The following KMT2A variants were observed in gnomAD, a reference collection of about 807,000 sequenced individuals.
KMT2A encodes lysine methyltransferase 2A.
In KMT2A, 16 loss-of-function variants were observed where a neutral mutation model predicts 345.3. That is an observed-to-expected ratio of 0.05 (90% confidence interval 0.03 to 0.07). KMT2A has a LOEUF of 0.07. Among genes scored for constraint, KMT2A ranks in the 10% least tolerant of loss-of-function variants. The pLI, the probability that KMT2A is intolerant of heterozygous loss-of-function variation, is 1.00. For missense variants in KMT2A, 3,272 were observed against 4,841.6 expected, an observed-to-expected ratio of 0.68 and a Z score of 9.62; for synonymous variants, 1,599 against 1,778.6, an observed-to-expected ratio of 0.90 and a Z score of 2.54.
At chr11:118,443,500 T>G (rs1949356239) in intron 1 of KMT2A, among the ~76,000 whole-genome samples, 1 of 152,196 alleles carries the variant, frequency 6.6e-6, no homozygotes, top group Non-Finnish European at 1.5e-5. Context: ...GAAAGAAGAA[T>G]TTTGTTACGT....
chr11:118,467,104 CAGT>C (rs1309450685), intron 1 of KMT2A, among the ~76,000 whole-genome samples: 1 of 151,882 alleles, frequency 6.6e-6, no homozygotes, highest in Non-Finnish European at 1.5e-5. Flanking sequence ...TGGCTGGGCA[CAGT>C]GGTGCATGCC....
At position 118,476,870 on chromosome 11, in the gene KMT2A, A is replaced by G. The variant is rs1555037643; in HGVS notation, c.3222A>G (p.Arg1074=). ...RGPRIKHVCR[R]AAVALGRKRA... is the part of the protein sequence containing the mutation. ...CCCGGATTAAACATGTCTGCAGAAG[A>G]GCAGCTGTTGCCCTTGGCCGAAAAC... The change falls in exon 4 of 36, where the codon AGA becomes AGG. Residue 1074 remains arginine, a synonymous_variant. Coordinates refer to ENST00000534358, the MANE Select transcript of KMT2A (RefSeq NM_001197104.2). This position sits in a 1 kb window ranked among gnomAD's most constrained non-coding sequence, Gnocchi z 4.1. 1 of 1,614,212 alleles carries G rather than the reference A, an allele frequency of 6.2e-7. No homozygotes were observed.
At chr11:118,467,055 T>G (rs1555034252) in intron 1 of KMT2A, among the ~76,000 whole-genome samples, 1 of 151,910 alleles carries the variant, frequency 6.6e-6, no homozygotes, top group African/African-American at 2.4e-5. Flanking sequence ...TTCCTTAAAT[T>G]TAGGTTTCAT....
In KMT2A at chr11:118,519,752, T is replaced by C. The variant is rs148548051; in HGVS notation, c.11281T>C (p.Leu3761=). Residue 3761 remains leucine (L), a synonymous_variant, in exon 32 of 36, where the codon TTG becomes CTG. Coordinates refer to ENST00000534358, the MANE Select transcript of KMT2A (RefSeq NM_001197104.2). ...HKPEEANEPP[L]NPHGSARAEV... is the part of the protein sequence containing the mutation. ...GCCAGAGGAGGCCAATGAACCCCCC[T>C]TGAACCCTCACGGCTCAGCCAGGGC... is the stretch of plus-strand genomic sequence containing the variant. 1.2e-5 allele frequency: 19 copies of C among 1,613,986 alleles called. No homozygotes were observed. The highest frequency in any genetic ancestry group is 4.0e-5 in the African/African-American group (3 of 74,914).
At chr11:118,455,493 T>A (rs1949623967) in intron 1 of KMT2A, among the ~76,000 whole-genome samples, 1 of 152,038 alleles carries the variant, frequency 6.6e-6, no homozygotes, top group South Asian at 2.1e-4. Context: ...GGTAGCAGTC[T>A]GTATTCATTG....
rs9332752 is a variant in KMT2A at position 118,446,991 on chromosome 11, T to G, written c.432+10047T>G. 5.7e-3 allele frequency among the ~76,000 whole-genome samples: 872 copies of G among 152,336 alleles called. 8 individuals carry two copies. The highest frequency in any genetic ancestry group is 0.02 in the African/African-American group (834 of 41,586). ...TCTTTGTTTATCTGCCTTTGTACCTTTGCTAAAGCCTCTCCTTTGCCTTAA... is the reference window on the plus strand; with the variant it reads ...TCTTTGTTTATCTGCCTTTGTACCTGTGCTAAAGCCTCTCCTTTGCCTTAA... On this transcript the variant is annotated intron_variant, in intron 1 of 35. Coordinates refer to ENST00000534358, the MANE Select transcript of KMT2A (RefSeq NM_001197104.2).
rs974175480 is a variant in KMT2A, at chr11:118,491,967, A to G, written c.5004+39A>G. On this transcript the variant is annotated intron_variant, in intron 15 of 35. Coordinates refer to ENST00000534358, the MANE Select transcript of KMT2A (RefSeq NM_001197104.2). The surrounding 1 kb of genome is among the most constrained non-coding windows in gnomAD (Gnocchi z 4.2). ...CATTTTTTTCTGAGAGCTTGTTCTT[A>G]GGTAGTCTTTACCTAGTGTTTTTCT... The G allele has an allele frequency of 9.5e-6, 14 of 1,470,470 alleles. No individual in the cohort carries two copies. The highest frequency in any genetic ancestry group is 1.2e-5 in the Non-Finnish European group (13 of 1,062,722). 91.1% of individuals were successfully genotyped at this position (1,470,470 alleles called of 1,614,324 possible).
chr11:118,512,012 G>A lies in KMT2A; in HGVS notation c.11133G>A (p.Gln3711=). The stretch of plus-strand genomic sequence containing the variant: ...CTCGATCAAATGCCCGCCTAAAGCA[G>A]CTCTCATTTGCAGGTAATGGCTGGA... ...QEARSNARLK[Q]LSFAGVNGLR... The change falls in exon 31 of 36, where the codon CAG becomes CAA. Residue 3711 remains glutamine (Q), a synonymous_variant. Coordinates refer to ENST00000534358, the MANE Select transcript of KMT2A (RefSeq NM_001197104.2). 6.2e-7 allele frequency: 1 copy of A among 1,613,984 alleles called. No homozygotes were observed. Among genetic ancestry groups the A allele is most frequent in the Non-Finnish European group, 8.5e-7 (1 of 1,179,884 alleles).
At chr11:118,442,916 A>G (rs2134173703) in intron 1 of KMT2A, among the ~76,000 whole-genome samples, 1 of 152,314 alleles carries the variant, frequency 6.6e-6, no homozygotes, top group South Asian at 2.1e-4. Flanking sequence ...AGGAATCTTA[A>G]GTCCTTTACC....
At chr11:118,438,997 T>G (rs781990814) in intron 1 of KMT2A, 1 of 479,462 alleles carries the variant, frequency 2.1e-6, no homozygotes, top group Admixed American at 2.2e-5. Flanking sequence ...TATTTTTTTT[T>G]GAAAGGCCAA....
chr11:118,524,601 C>T lies in KMT2A; in HGVS notation c.*2429C>T, dbSNP rs1951041797. The T allele has an allele frequency of 5.5e-6, 1 of 181,348 alleles. No homozygotes were observed. Among genetic ancestry groups the T allele is most frequent in the African/African-American group, 2.4e-5 (1 of 42,386 alleles). 11.2% of individuals were successfully genotyped at this position (181,348 alleles called of 1,614,324 possible). A position where few individuals can be genotyped will look rare whatever the true frequency, so the allele number is the denominator to read the frequency against. ...ACCTCACCTCCCTTCCTCCTTTTGCCCATGAACAAGATGCAGTGGCCCTAG... is the reference window on the plus strand; with the variant it reads ...ACCTCACCTCCCTTCCTCCTTTTGCTCATGAACAAGATGCAGTGGCCCTAG... On this transcript the variant is annotated 3_prime_UTR_variant, in exon 36 of 36. Transcript: ENST00000534358.
rs2134268714 is a variant in KMT2A, at chr11:118,473,600, A to G, written c.2441A>G (p.Gln814Arg). ...TQSGESAEKN[Q>R]RPRKQTSAPA... ...TCTGGGGAATCTGCAGAGAAAAATCAGAGACCAAGGAAGCAGACTAGTGCT... is the reference window on the plus strand; with the variant it reads ...TCTGGGGAATCTGCAGAGAAAAATCGGAGACCAAGGAAGCAGACTAGTGCT... Residue 814 changes from glutamine to arginine, a missense_variant, in exon 3 of 36, where the codon CAG becomes CGG. By Grantham distance (43) the Gln-to-Arg change is conservative (BLOSUM62 1). Coordinates refer to ENST00000534358, the MANE Select transcript of KMT2A (RefSeq NM_001197104.2). The surrounding 1 kb of genome is among the most constrained non-coding windows in gnomAD (Gnocchi z 5.2). The G allele has an allele frequency of 6.2e-7, 1 of 1,614,128 alleles. No individual in the cohort carries two copies. Among genetic ancestry groups the G allele is most frequent in the Non-Finnish European group, 8.5e-7 (1 of 1,180,042 alleles).
intron 11 of KMT2A, among the ~76,000 whole-genome samples, chr11:118,489,092 G>C (rs1314392165): frequency 6.6e-6 from 1 of 151,808 alleles, no homozygotes; most frequent in African/African-American, 2.4e-5. Flanking sequence ...GTGTGGTGGT[G>C]GGCACCTGTA....
chr11:118,464,758 G>A (rs1949810695), intron 1 of KMT2A, among the ~76,000 whole-genome samples: 1 of 152,196 alleles, frequency 6.6e-6, no homozygotes, highest in South Asian at 2.1e-4. Flanking sequence ...CAAAGTAATG[G>A]CTACCAGGAG....
chr11:118,458,745 G>A (rs1949692974), intron 1 of KMT2A, among the ~76,000 whole-genome samples: 1 of 152,226 alleles, frequency 6.6e-6, no homozygotes, highest in Admixed American at 6.5e-5. Context: ...GCCACAAGGG[G>A]AAATGTGCCA....
chr11:118,450,182 G>A (rs1044076868), intron 1 of KMT2A: 39 of 151,802 alleles, frequency 2.6e-4, no homozygotes, highest in African/African-American at 9.2e-4. Flanking sequence ...GGAACCTGAG[G>A]ATTCTGGAAA....
intron 1 of KMT2A, among the ~76,000 whole-genome samples, chr11:118,443,988 G>T (rs1949366145): frequency 1.3e-5 from 2 of 152,166 alleles, no homozygotes; most frequent in Non-Finnish European, 2.9e-5. Flanking sequence ...GTTTTAGAGA[G>T]ATCCACTTGT....
chr11:118,438,550 A>G (rs1949247936), intron 1 of KMT2A, among the ~76,000 whole-genome samples: 1 of 152,068 alleles, frequency 6.6e-6, no homozygotes, highest in Non-Finnish European at 1.5e-5. Context: ...TGAAACAGAA[A>G]GGGAAAGATA....
chr11:118,491,282 G>A lies in KMT2A; in HGVS notation c.4783G>A (p.Val1595Ile), dbSNP rs1555042411. ...MMQCGKCDRWVHSKCENLSGT... is the reference protein window; with the variant it reads ...MMQCGKCDRWIHSKCENLSGT... Reference sequence around the variant, plus strand: ...GCAATGTGGAAAGTGTGATCGCTGGGTCCATTCCAAATGTGAGAATCTTTC... The same window carrying A: ...GCAATGTGGAAAGTGTGATCGCTGGATCCATTCCAAATGTGAGAATCTTTC... The change falls in exon 14 of 36, where the codon GTC (valine) becomes ATC (isoleucine). Residue 1595 changes from valine to isoleucine, a missense_variant. Val to Ile is a conservative substitution (Grantham distance 29). This residue lies in a region of KMT2A where 120 missense variants were observed against 280.4 expected (regional missense o/e 0.43). Transcript: ENST00000534358. The surrounding 1 kb of genome is among the most constrained non-coding windows in gnomAD (Gnocchi z 4.2). 1 of 1,613,946 alleles carries A rather than the reference G, an allele frequency of 6.2e-7. No individual in the cohort carries two copies. The highest frequency in any genetic ancestry group is 1.7e-5 in the Admixed American group (1 of 60,000).
Sources: allele counts gnomAD v4.1 joint callset (sites outside exome capture counted in the v4.1 genomes callset), GRCh38; gene constraint gnomAD v4.1.1; regional missense constraint gnomAD v4.1.1; non-coding constraint Gnocchi (gnomAD v3.1); transcripts MANE v1.5; gene names NCBI Gene and HGNC (gene_info 2026-07-23, HGNC 2026-07-21).